Variants in CNBD1 observed in about 807,000 individuals in gnomAD.
The protein encoded by CNBD1 is cyclic nucleotide binding domain containing 1, also known as cyclic nucleotide-binding domain-containing protein 1.
A neutral mutation model predicts 54.4 loss-of-function variants in CNBD1; 71 were observed. That is an observed-to-expected ratio of 1.30 (90% CI 1.08 to 1.59). The LOEUF is 1.59. CNBD1 is among the 40% of genes most tolerant of loss of function. The pLI is 0.00. For synonymous variants in CNBD1, 182 were observed against 170.7 expected (o/e 1.07, Z -0.51); for missense variants, 659 against 518.0 (o/e 1.27, Z -2.64).
At chr8:87,160,732 G>A (rs1812840290) in intron 4 of CNBD1, among the ~76,000 whole-genome samples, 3 of 151,914 alleles carry the variant, frequency 2.0e-5, no homozygotes, top group South Asian at 2.1e-4. Flanking sequence ...GATAGGGGGA[G>A]GATTCTTGAA....
intron 4 of CNBD1, among the ~76,000 whole-genome samples, chr8:87,006,251 C>T (rs1338796502): frequency 6.6e-6 from 1 of 152,152 alleles, no homozygotes; most frequent in Non-Finnish European, 1.5e-5. Context: ...TCTTCTCTGT[C>T]CCTTCAGCCC....
At chr8:87,406,847 C>A (rs1439533950) in intron 2 of CNBD1, among the ~76,000 whole-genome samples, 1 of 151,904 alleles carries the variant, frequency 6.6e-6, no homozygotes, top group Non-Finnish European at 1.5e-5. Flanking sequence ...GCCCACAGCC[C>A]CAGACTGAGA....
intron 4 of CNBD1, among the ~76,000 whole-genome samples, chr8:87,137,536 A>G (rs1179966176): frequency 6.6e-6 from 1 of 151,980 alleles, no homozygotes; most frequent in Admixed American, 6.6e-5. Context: ...CAAACTTATA[A>G]CACGTTATAA....
At chr8:87,403,972 G>C (rs1807610560) in intron 2 of CNBD1, among the ~76,000 whole-genome samples, 1 of 152,058 alleles carries the variant, frequency 6.6e-6, no homozygotes, top group African/African-American at 2.4e-5. Flanking sequence ...TTATTGGTAA[G>C]ATGTTTCTTT....
intron 1 of CNBD1, among the ~76,000 whole-genome samples, chr8:86,869,074 C>T (rs1808404708): frequency 6.6e-6 from 1 of 152,124 alleles, no homozygotes; most frequent in Admixed American, 6.5e-5. Flanking sequence ...TGGATTCTCC[C>T]CTAGCGTCTC....
intron 4 of CNBD1, among the ~76,000 whole-genome samples, chr8:87,025,838 C>T (rs1027911334): frequency 3.9e-5 from 6 of 152,248 alleles, no homozygotes; most frequent in South Asian, 2.1e-4. Context: ...CGACTGTCTG[C>T]GGCTTCATTC....
intron 2 of CNBD1, among the ~76,000 whole-genome samples, chr8:87,423,968 T>A (rs1807993947): frequency 6.6e-6 from 1 of 152,234 alleles, no homozygotes; most frequent in Non-Finnish European, 1.5e-5. Flanking sequence ...GTTATTGGTC[T>A]ATTCAGAGAT....
chr8:87,168,510 A>G (rs1303884259), intron 4 of CNBD1, among the ~76,000 whole-genome samples: 2 of 151,976 alleles, frequency 1.3e-5, no homozygotes, highest in Non-Finnish European at 2.9e-5. Flanking sequence ...GCTATCAAAT[A>G]CTAGGTCTTA....
chr8:86,916,029 T>C (rs115810995), intron 3 of CNBD1, among the ~76,000 whole-genome samples: 1,975 of 152,280 alleles, frequency 0.013, 39 homozygotes, highest in African/African-American at 0.044. Flanking sequence ...TTTCCTTCCC[T>C]GTATCCCATG....
chr8:87,297,826 A>T (rs972391253), intron 8 of CNBD1, among the ~76,000 whole-genome samples: 3 of 152,038 alleles, frequency 2.0e-5, no homozygotes, highest in Non-Finnish European at 4.4e-5. Flanking sequence ...AGGATTATGA[A>T]TTAAATATCT....
chr8:87,365,014 G>T (rs757102543), intron 10 of CNBD1, among the ~76,000 whole-genome samples: 2 of 152,066 alleles, frequency 1.3e-5, no homozygotes, highest in African/African-American at 2.4e-5. Flanking sequence ...ACCCAGTGGT[G>T]AGATTGCTGG....
chr8:86,970,340 A>ATGATTT (rs1808191319), intron 4 of CNBD1, among the ~76,000 whole-genome samples: 1 of 151,952 alleles, frequency 6.6e-6, no homozygotes. Flanking sequence ...TTCTGTTCTT[A>ATGATTT]TGATTTTGTC....
intron 4 of CNBD1, among the ~76,000 whole-genome samples, chr8:87,201,800 C>T (rs921169844): frequency 3.3e-5 from 5 of 152,058 alleles, no homozygotes; most frequent in African/African-American, 7.2e-5. Context: ...CTCATTCTGT[C>T]GCCCAGGCTG....
intron 4 of CNBD1, among the ~76,000 whole-genome samples, chr8:87,197,686 A>G (rs1813750455): frequency 6.6e-6 from 1 of 152,202 alleles, no homozygotes; most frequent in Admixed American, 6.5e-5. Flanking sequence ...AAAAGATTAT[A>G]GTAGTTATAT....
At chr8:87,043,891 C>T (rs549383582) in intron 4 of CNBD1, among the ~76,000 whole-genome samples, 1 of 152,212 alleles carries the variant, frequency 6.6e-6, no homozygotes, top group Non-Finnish European at 1.5e-5. Flanking sequence ...ACTTCCTCCC[C>T]ATCCCACTGT....
At chr8:87,367,663 A>G (rs1198199279) in intron 10 of CNBD1, among the ~76,000 whole-genome samples, 1 of 152,118 alleles carries the variant, frequency 6.6e-6, no homozygotes, top group Admixed American at 6.6e-5. Flanking sequence ...TGTTTTATCT[A>G]ATCAAATGTT....
At chr8:87,046,161 T>A (rs2130617087) in intron 4 of CNBD1, among the ~76,000 whole-genome samples, 1 of 152,252 alleles carries the variant, frequency 6.6e-6, no homozygotes, top group East Asian at 1.9e-4. Flanking sequence ...TGGATTGTTG[T>A]TGTGCCTCTT....
At position 87,137,444 on chromosome 8, in the gene CNBD1, C is replaced by T. The variant is rs181742928; in HGVS notation, c.432-68549C>T. On this transcript the variant is annotated intron_variant, in intron 4 of 10. Transcript: ENST00000518476. The stretch of plus-strand genomic sequence containing the variant: ...ATCTCCATCTCCTGACTTCGTGATC[C>T]GCCCGCCTCAGCCTCCCAAAGTGCT... 7.2e-3 allele frequency among the ~76,000 whole-genome samples: 1,094 copies of T among 151,752 alleles called. 11 individuals carry two copies. The highest frequency in any genetic ancestry group is 0.024 in the African/African-American group (998 of 41,382).
chr8:87,385,733 C>G (rs192495789), downstream of CNBD1, among the ~76,000 whole-genome samples: 48 of 152,274 alleles, frequency 3.2e-4, no homozygotes, highest in East Asian at 8.5e-3. Context: ...ACTCTGCAGA[C>G]TTAAATGTCC....
Sources: allele counts gnomAD v4.1 joint callset (sites outside exome capture counted in the v4.1 genomes callset), GRCh38; gene constraint gnomAD v4.1.1; transcripts MANE v1.5; gene names NCBI Gene and HGNC (gene_info 2026-07-23, HGNC 2026-07-21).